The following NDUFS4 variants were observed in gnomAD, a reference collection of about 807,000 sequenced individuals.
NDUFS4 encodes NADH:ubiquinone oxidoreductase subunit S4.
A neutral mutation model predicts 24.3 loss-of-function variants in NDUFS4; 28 were observed. The observed-to-expected ratio is 1.15, with a 90% CI of 0.85 to 1.58. The LOEUF (loss-of-function observed/expected upper bound fraction) is 1.58. Among genes scored for constraint, NDUFS4 ranks in the 40% most tolerant of loss-of-function variants. The probability of loss-of-function intolerance (pLI) is 0.00; values close to 1 mark genes in which losing one functional copy is unlikely to be tolerated. For synonymous variants in NDUFS4, 93 were observed against 69.7 expected, an observed-to-expected ratio of 1.34 and a Z score of -1.67; for missense variants, 223 against 207.9, an observed-to-expected ratio of 1.07 and a Z score of -0.45.
At chr5:53,565,257 G>A (rs1007627731) in intron 1 of NDUFS4, among the ~76,000 whole-genome samples, 14 of 152,344 alleles carry the variant, frequency 9.2e-5, no homozygotes, top group Middle Eastern at 3.4e-3. Flanking sequence ...TATAAATTGA[G>A]TGAAAAATAA....
chr5:53,591,777 G>A (rs1377146851), intron 1 of NDUFS4, among the ~76,000 whole-genome samples: 2 of 152,150 alleles, frequency 1.3e-5, no homozygotes, highest in Non-Finnish European at 2.9e-5. Context: ...TAATAGGTGT[G>A]TAGCACTGTC....
chr5:53,657,924 CAA>C (rs55653691), intron 3 of NDUFS4, among the ~76,000 whole-genome samples: 32,599 of 122,144 alleles, frequency 0.27, 4,658 homozygotes, highest in East Asian at 0.48. Context: ...GAGTCCATCT[CAA>C]AAAAAAAAAA....
At chr5:53,599,890 C>T (rs1750256638) in intron 1 of NDUFS4, among the ~76,000 whole-genome samples, 1 of 152,076 alleles carries the variant, frequency 6.6e-6, no homozygotes, top group South Asian at 2.1e-4. Flanking sequence ...ACTGATGTGA[C>T]ATTCCTTACA....
intron 2 of NDUFS4, among the ~76,000 whole-genome samples, chr5:53,613,168 C>G (rs894986769): frequency 1.3e-5 from 2 of 152,020 alleles, no homozygotes; most frequent in Non-Finnish European, 2.9e-5. Flanking sequence ...AGTGCTATCT[C>G]TGCTAGATTA....
At chr5:53,636,931 T>C (rs1296457606) in intron 2 of NDUFS4, among the ~76,000 whole-genome samples, 1 of 152,192 alleles carries the variant, frequency 6.6e-6, no homozygotes, top group Non-Finnish European at 1.5e-5. Flanking sequence ...ATGCTTCTTG[T>C]ACAGCCTGCC....
chr5:53,611,610 G>C (rs929099820), intron 2 of NDUFS4, among the ~76,000 whole-genome samples: 1 of 151,806 alleles, frequency 6.6e-6, no homozygotes, highest in Non-Finnish European at 1.5e-5. Flanking sequence ...TTTGTGGACT[G>C]TACCATTATT....
chr5:53,587,587 T>A (rs2112437255), intron 1 of NDUFS4, among the ~76,000 whole-genome samples: 1 of 152,210 alleles, frequency 6.6e-6, no homozygotes, highest in East Asian at 1.9e-4. Context: ...ATACTTTTTT[T>A]TTTTTTTTGA....
At chr5:53,562,134 G>T (rs899491607) in intron 1 of NDUFS4, among the ~76,000 whole-genome samples, 2 of 152,052 alleles carry the variant, frequency 1.3e-5, no homozygotes, top group Non-Finnish European at 1.5e-5. Context: ...CTCCTGACTA[G>T]CTGGGATTAC....
At chr5:53,589,371 T>C (rs1301001464) in intron 1 of NDUFS4, among the ~76,000 whole-genome samples, 1 of 152,220 alleles carries the variant, frequency 6.6e-6, no homozygotes, top group Non-Finnish European at 1.5e-5. Flanking sequence ...TGCATTTCCC[T>C]TGTGGGACAG....
At chr5:53,654,580 A>G (rs1187910749) in intron 3 of NDUFS4, among the ~76,000 whole-genome samples, 1 of 152,100 alleles carries the variant, frequency 6.6e-6, no homozygotes, top group Non-Finnish European at 1.5e-5. Context: ...CAGAAAGATG[A>G]CCACCTGATA....
At chr5:53,632,639 TC>T (rs1322188124) in intron 2 of NDUFS4, among the ~76,000 whole-genome samples, 1 of 152,178 alleles carries the variant, frequency 6.6e-6, no homozygotes, top group Admixed American at 6.5e-5. Flanking sequence ...TGTACCATAG[TC>T]TGATATGTGC....
At chr5:53,589,015 A>G (rs1248111057) in intron 1 of NDUFS4, among the ~76,000 whole-genome samples, 1 of 152,160 alleles carries the variant, frequency 6.6e-6, no homozygotes, top group Non-Finnish European at 1.5e-5. Context: ...GATCTGTCCA[A>G]GATGACACAG....
chr5:53,597,938 C>A (rs746571604), intron 1 of NDUFS4, among the ~76,000 whole-genome samples: 1 of 152,046 alleles, frequency 6.6e-6, no homozygotes, highest in Non-Finnish European at 1.5e-5. Flanking sequence ...AAAAAGTGGG[C>A]AAAAGATCTA....
chr5:53,646,152 A>T, intron 2 of NDUFS4, 81 bp from the exon 3 acceptor site: 1 of 1,151,878 alleles, frequency 8.7e-7, no homozygotes, highest in Non-Finnish European at 1.3e-6. Flanking sequence ...ATAGAGTTGC[A>T]TGAATATAGG....
At chr5:53,660,073 A>G (rs1752288030) in intron 4 of NDUFS4, among the ~76,000 whole-genome samples, 1 of 151,938 alleles carries the variant, frequency 6.6e-6, no homozygotes, top group Non-Finnish European at 1.5e-5. Context: ...GTATACATGT[A>G]TACATGTGCC....
chr5:53,660,074 T>G (rs2112523922), intron 4 of NDUFS4, among the ~76,000 whole-genome samples: 1 of 152,132 alleles, frequency 6.6e-6, no homozygotes. Context: ...TATACATGTA[T>G]ACATGTGCCA....
At chr5:53,636,240 G>C (rs1039831311) in intron 2 of NDUFS4, among the ~76,000 whole-genome samples, 10 of 152,066 alleles carry the variant, frequency 6.6e-5, no homozygotes, top group Non-Finnish European at 2.9e-5. Flanking sequence ...AGATTTTCCT[G>C]GTTTGCAGTC....
At chr5:53,626,941 T>G (rs1751247606) in intron 2 of NDUFS4, among the ~76,000 whole-genome samples, 2 of 152,198 alleles carry the variant, frequency 1.3e-5, no homozygotes, top group Admixed American at 1.3e-4. Context: ...GGTGTTTTAG[T>G]CATGAAGTCT....
chr5:53,567,067 T>G (rs867875787), intron 1 of NDUFS4, among the ~76,000 whole-genome samples: 26 of 152,184 alleles, frequency 1.7e-4, no homozygotes, highest in Admixed American at 3.9e-4. Context: ...GTCAGGCTGG[T>G]CTCAAACTCC....
Sources: gnomAD v4.1 joint callset for allele counts (sites outside exome capture counted in the v4.1 genomes callset) on GRCh38, gnomAD v4.1.1 for gene constraint, MANE v1.5 for transcripts, NCBI Gene and HGNC (gene_info 2026-07-23, HGNC 2026-07-21) for gene names.